Variants in MAGI2 observed in about 807,000 individuals in gnomAD.
The protein encoded by MAGI2 is membrane-associated guanylate kinase, WW and PDZ domain-containing protein 2.
A neutral mutation model predicts 133.3 loss-of-function variants in MAGI2; 35 were observed. That is an observed-to-expected ratio of 0.26 (90% CI 0.20 to 0.35). The LOEUF (loss-of-function observed/expected upper bound fraction) is 0.35. MAGI2 is among the 10% of genes least tolerant of loss of function. The probability of loss-of-function intolerance (pLI) is 1.00; values close to 1 mark genes in which losing one functional copy is unlikely to be tolerated. For missense variants in MAGI2, 1,636 were observed against 1,863.4 expected (o/e 0.88, Z 2.25); for synonymous variants, 729 against 710.6 (o/e 1.03, Z -0.41).
chr7:79,286,143 G>T (rs1338191378), intron 1 of MAGI2, among the ~76,000 whole-genome samples: 1 of 152,044 alleles, frequency 6.6e-6, no homozygotes, highest in Middle Eastern at 3.2e-3. Flanking sequence ...AAGATCCCAG[G>T]AGAAGCCAAA....
At chr7:78,858,781 C>T (rs574904542) in intron 2 of MAGI2, among the ~76,000 whole-genome samples, 1 of 151,808 alleles carries the variant, frequency 6.6e-6, no homozygotes, top group South Asian at 2.1e-4. Context: ...AGTTCAATTC[C>T]TGGATATCCT....
chr7:79,241,352 A>G (rs1585300964), intron 1 of MAGI2, among the ~76,000 whole-genome samples: 1 of 152,222 alleles, frequency 6.6e-6, no homozygotes, highest in East Asian at 1.9e-4. Context: ...TATAAAGATT[A>G]TAACAGTGAG....
intron 1 of MAGI2, among the ~76,000 whole-genome samples, chr7:79,101,658 A>G (rs1183435712): frequency 7.0e-6 from 1 of 142,834 alleles, no homozygotes; most frequent in Non-Finnish European, 1.5e-5. Flanking sequence ...CGGGAGGTGG[A>G]GCTTGTAGTG....
chr7:78,219,178 C>T (rs1056488023), intron 10 of MAGI2, among the ~76,000 whole-genome samples: 14 of 152,098 alleles, frequency 9.2e-5, no homozygotes, highest in African/African-American at 3.1e-4. Flanking sequence ...TACACGTTCC[C>T]TTGGGGTCTC....
chr7:78,411,470 T>C (rs1797867219), intron 6 of MAGI2, among the ~76,000 whole-genome samples: 1 of 152,032 alleles, frequency 6.6e-6, no homozygotes, highest in South Asian at 2.1e-4. Flanking sequence ...ATGATACACA[T>C]GTTATAGCTA....
intron 2 of MAGI2, among the ~76,000 whole-genome samples, chr7:78,637,416 T>C (rs1220655323): frequency 2.0e-5 from 3 of 147,206 alleles, no homozygotes; most frequent in Admixed American, 1.4e-4. Context: ...CCAGCAGTGA[T>C]ACATGATAAT....
intron 1 of MAGI2, among the ~76,000 whole-genome samples, chr7:79,131,922 T>C (rs1009973969): frequency 1.3e-5 from 2 of 152,172 alleles, no homozygotes; most frequent in African/African-American, 4.8e-5. Context: ...TCTTAAATTA[T>C]ATTTAGTATA....
intron 1 of MAGI2, among the ~76,000 whole-genome samples, chr7:79,138,915 G>A (rs1177811989): frequency 6.9e-6 from 1 of 145,606 alleles, no homozygotes; most frequent in African/African-American, 2.5e-5. Flanking sequence ...GGCGGAGCTT[G>A]CAGTGAGCCA....
chr7:78,656,698 G>T (rs1812317946), intron 2 of MAGI2, among the ~76,000 whole-genome samples: 1 of 152,062 alleles, frequency 6.6e-6, no homozygotes, highest in East Asian at 1.9e-4. Context: ...ATATTTGACT[G>T]CTATAATTTC....
chr7:78,739,879 C>G (rs1288358328), intron 2 of MAGI2, among the ~76,000 whole-genome samples: 1 of 152,138 alleles, frequency 6.6e-6, no homozygotes, highest in African/African-American at 2.4e-5. Flanking sequence ...GATAACCTGG[C>G]CAGGCGCGGT....
intron 2 of MAGI2, among the ~76,000 whole-genome samples, chr7:78,857,239 T>C (rs1793732688): frequency 6.6e-6 from 1 of 152,162 alleles, no homozygotes; most frequent in Admixed American, 6.5e-5. Context: ...TTGAATGCTA[T>C]TTATTTCTTT....
intron 3 of MAGI2, among the ~76,000 whole-genome samples, chr7:78,532,064 C>T (rs1797515715): frequency 6.6e-6 from 1 of 152,116 alleles, no homozygotes; most frequent in African/African-American, 2.4e-5. Context: ...GATCTAGGTT[C>T]TAAACAGGGT....
intron 6 of MAGI2, among the ~76,000 whole-genome samples, chr7:78,408,038 C>T (rs1302344016): frequency 6.6e-6 from 1 of 152,078 alleles, no homozygotes. Flanking sequence ...AAAATGCAGA[C>T]CATTCCAGAT....
At chr7:78,627,690 A>T (rs1256828686) in intron 2 of MAGI2, among the ~76,000 whole-genome samples, 1 of 152,196 alleles carries the variant, frequency 6.6e-6, no homozygotes, top group Non-Finnish European at 1.5e-5. Context: ...TTTTAATTTC[A>T]TAATCTGCTT....
intron 1 of MAGI2, among the ~76,000 whole-genome samples, chr7:79,237,810 T>G (rs1048071275): frequency 2.6e-5 from 4 of 152,212 alleles, no homozygotes; most frequent in African/African-American, 9.6e-5. Context: ...GCTGTTGGGC[T>G]TTTGGCACTT....
At chr7:79,114,609 C>T (rs559707809) in intron 1 of MAGI2, among the ~76,000 whole-genome samples, 4 of 152,224 alleles carry the variant, frequency 2.6e-5, no homozygotes, top group South Asian at 4.1e-4. Flanking sequence ...ATCAAATCTA[C>T]CAACATTCTG....
At chr7:79,339,693 G>C (rs966488061) in intron 1 of MAGI2, among the ~76,000 whole-genome samples, 1 of 152,064 alleles carries the variant, frequency 6.6e-6, no homozygotes, top group Non-Finnish European at 1.5e-5. Flanking sequence ...TCAGTCTCTA[G>C]TACGTGAGCA....
chr7:78,197,573 T>C (rs1389513817), intron 11 of MAGI2, among the ~76,000 whole-genome samples: 1 of 152,224 alleles, frequency 6.6e-6, no homozygotes, highest in Non-Finnish European at 1.5e-5. Context: ...CTTTGGGCAC[T>C]GTTTGGGAAG....
At chr7:78,555,224 A>AGATG (rs1799714327) in intron 3 of MAGI2, among the ~76,000 whole-genome samples, 1 of 101,354 alleles carries the variant, frequency 9.9e-6, no homozygotes, top group African/African-American at 5.8e-5. Context: ...ATAGATAGAC[A>AGATG]GATAGATAGA....
Sources: gnomAD v4.1 joint callset for allele counts (sites outside exome capture counted in the v4.1 genomes callset) on GRCh38, gnomAD v4.1.1 for gene constraint, MANE v1.5 for transcripts, NCBI Gene and HGNC (gene_info 2026-07-23, HGNC 2026-07-21) for gene names.